Variants in GLRA3 observed in about 807,000 individuals in gnomAD.
GLRA3 encodes the protein glycine receptor alpha 3.
In GLRA3, 44 loss-of-function variants were observed where a neutral mutation model predicts 60.4. The observed-to-expected ratio is 0.73, with a 90% confidence interval of 0.57 to 0.94. GLRA3 has a LOEUF of 0.94. Ranked by LOEUF, GLRA3 falls within the 40% of genes least tolerant of loss-of-function variation. The pLI is 0.00. For missense variants in GLRA3, 508 were observed against 564.6 expected, an observed-to-expected ratio of 0.90 and a Z score of 1.02; for synonymous variants, 223 against 192.9, an observed-to-expected ratio of 1.16 and a Z score of -1.29.
rs1304663775 is a variant in GLRA3, at chr4:174,781,071, TCTC to T, written c.199+7742_199+7744del. On this transcript the variant is annotated intron_variant, in intron 2 of 9. Coordinates refer to ENST00000274093, the MANE Select transcript of GLRA3 (RefSeq NM_006529.4). ...TTGACCACATACTTGGAAGTAAAGC[TCTC>T]CTCAGCAAATGTAAAAGAACAGAGA... is the stretch of plus-strand genomic sequence containing the variant. Among the ~76,000 whole-genome samples the T allele has an allele frequency of 1.3e-4, 20 of 151,866 alleles. 1 individual carries two copies. The highest frequency in any genetic ancestry group is 9.2e-4 in the Admixed American group (14 of 15,230).
intron 3 of GLRA3, among the ~76,000 whole-genome samples, chr4:174,734,018 T>C (rs186454925): frequency 1.3e-5 from 2 of 151,094 alleles, no homozygotes; most frequent in African/African-American, 2.4e-5. Context: ...CAATAGACTT[T>C]CTTTTTTTTT....
intron 3 of GLRA3, among the ~76,000 whole-genome samples, chr4:174,761,941 AT>A (rs1425371956): frequency 6.6e-6 from 1 of 152,184 alleles, no homozygotes; most frequent in Non-Finnish European, 1.5e-5. Context: ...AAAAAAGTTT[AT>A]GATTCAGTAA....
intron 3 of GLRA3, among the ~76,000 whole-genome samples, chr4:174,746,499 C>T (rs951768253): frequency 4.6e-5 from 7 of 151,900 alleles, no homozygotes; most frequent in Non-Finnish European, 7.4e-5. Context: ...CTGGGGAGAC[C>T]GGGTAGTGGG....
rs1306043472 is a variant in GLRA3, at chr4:174,767,035, A to G, written c.200-5T>C. ...ATGTGACATTAACTGGAGGGCCTGA[A>G]AAAGAGATGAAAACATAAGGGCTGT... On this transcript the variant is annotated splice_polypyrimidine_tract_variant and splice_region_variant and intron_variant, in intron 2 of 9. Transcript: ENST00000274093. 1.3e-6 allele frequency: 2 copies of G among 1,550,448 alleles called. No individual in the cohort carries two copies. Among genetic ancestry groups the G allele is most frequent in the African/African-American group, 2.7e-5 (2 of 73,676 alleles).
At position 174,659,039 on chromosome 4, in the gene GLRA3, C is replaced by G. The variant is rs774106199; in HGVS notation, c.1071+15G>C. 1.9e-6 allele frequency: 3 copies of G among 1,606,680 alleles called. No individual in the cohort carries two copies. The highest frequency in any genetic ancestry group is 2.7e-5 in the African/African-American group (2 of 74,674). ...AAACTGGATTCTGCCAAACCCAATACGTTTAATCACTTACCTTATTCTTTC... is the reference window on the plus strand; with the variant it reads ...AAACTGGATTCTGCCAAACCCAATAGGTTTAATCACTTACCTTATTCTTTC... On this transcript the variant is annotated intron_variant, in intron 8 of 9. Coordinates refer to ENST00000274093, the MANE Select transcript of GLRA3 (RefSeq NM_006529.4).
chr4:174,807,131 C>A (rs1475730670), intron 1 of GLRA3, among the ~76,000 whole-genome samples: 1 of 151,810 alleles, frequency 6.6e-6, no homozygotes, highest in Non-Finnish European at 1.5e-5. Context: ...GTGAAGCAGA[C>A]AAAAGAAGAT....
At position 174,640,921 on chromosome 4, in the gene GLRA3, T is replaced by C. The variant is rs1732609185; in HGVS notation, c.*2865A>G. On this transcript the variant is annotated 3_prime_UTR_variant, in exon 10 of 10. Transcript: ENST00000274093. ...AGGGTTGGAGAAGTTTTAAACACCC[T>C]CAGCTTTCTTGAAAATACAGTGACT... The C allele has an allele frequency of 6.6e-6, 1 of 152,044 alleles. No homozygotes were observed. Among genetic ancestry groups the C allele is most frequent in the Non-Finnish European group, 1.5e-5 (1 of 67,964 alleles). 9.4% of individuals were successfully genotyped at this position (152,044 alleles called of 1,614,324 possible). A position where few individuals can be genotyped will look rare whatever the true frequency, so the allele number is the denominator to read the frequency against.
At chr4:174,743,652 C>A (rs1737113888) in intron 3 of GLRA3, among the ~76,000 whole-genome samples, 1 of 151,988 alleles carries the variant, frequency 6.6e-6, no homozygotes, top group African/African-American at 2.4e-5. Context: ...AAGTACCTGC[C>A]AGGATGATTC....
chr4:174,750,881 T>C (rs1737446477), intron 3 of GLRA3, among the ~76,000 whole-genome samples: 1 of 152,094 alleles, frequency 6.6e-6, no homozygotes, highest in African/African-American at 2.4e-5. Context: ...AGGACATCTC[T>C]AGGCTGGAAG....
intron 5 of GLRA3, among the ~76,000 whole-genome samples, chr4:174,696,203 G>C (rs894199281): frequency 6.6e-6 from 1 of 151,600 alleles, no homozygotes; most frequent in Admixed American, 6.6e-5. Flanking sequence ...AAATGATGAT[G>C]AGAAAAAATT....
rs540758261 is a variant in GLRA3 at position 174,824,334 on chromosome 4, G to T, written c.71+4407C>A. Among the ~76,000 whole-genome samples, 17 of 152,144 alleles carry T rather than the reference G, an allele frequency of 1.1e-4. No individual in the cohort carries two copies. In the Middle Eastern group the frequency reaches 0.01, roughly 91 times the overall value. On this transcript the variant is annotated intron_variant, in intron 1 of 9. Transcript: ENST00000274093. ...TTCTTTACATAGCTCTTAAATAATT[G>T]CTATCACCAATCCTATGACTAATAG...
intron 3 of GLRA3, among the ~76,000 whole-genome samples, chr4:174,749,250 A>G (rs1320020925): frequency 1.3e-5 from 2 of 152,110 alleles, no homozygotes; most frequent in South Asian, 2.1e-4. Context: ...AATCTGTGGT[A>G]TAATCCTCCT....
intron 3 of GLRA3, among the ~76,000 whole-genome samples, chr4:174,745,318 C>A (rs1313670870): frequency 6.6e-6 from 1 of 152,072 alleles, no homozygotes; most frequent in Non-Finnish European, 1.5e-5. Flanking sequence ...AGATACAATG[C>A]AAAATGGTCT....
chr4:174,820,272 C>G (rs568349893), intron 1 of GLRA3, among the ~76,000 whole-genome samples: 1 of 152,114 alleles, frequency 6.6e-6, no homozygotes, highest in Non-Finnish European at 1.5e-5. Context: ...CCAAATTCCT[C>G]GTCAAATGTT....
chr4:174,794,404 A>G (rs1186416358), intron 1 of GLRA3, among the ~76,000 whole-genome samples: 1 of 152,002 alleles, frequency 6.6e-6, no homozygotes, highest in Non-Finnish European at 1.5e-5. Context: ...TTGCTTAAGA[A>G]CTCCTAGAAT....
chr4:174,702,475 A>G (rs1473223822), intron 5 of GLRA3, among the ~76,000 whole-genome samples: 2 of 152,150 alleles, frequency 1.3e-5, no homozygotes, highest in Non-Finnish European at 1.5e-5. Flanking sequence ...AGGTATCCCT[A>G]TATTCAAATA....
chr4:174,665,582 T>C (rs966776965), intron 7 of GLRA3, among the ~76,000 whole-genome samples: 1 of 152,196 alleles, frequency 6.6e-6, no homozygotes, highest in Non-Finnish European at 1.5e-5. Context: ...AGTATGTCCA[T>C]GAAGATTTGA....
At chr4:174,815,838 C>T (rs548695566) in intron 1 of GLRA3, among the ~76,000 whole-genome samples, 2 of 152,282 alleles carry the variant, frequency 1.3e-5, no homozygotes, top group Admixed American at 6.5e-5. Context: ...TCTGACTTGC[C>T]CTGGAGACAT....
chr4:174,673,984 T>C (rs928805604), intron 7 of GLRA3, among the ~76,000 whole-genome samples: 5 of 152,282 alleles, frequency 3.3e-5, no homozygotes, highest in Admixed American at 6.5e-5. Flanking sequence ...AAATATATTT[T>C]TTCAGAAACA....
Sources: gnomAD v4.1 joint callset for allele counts (sites outside exome capture counted in the v4.1 genomes callset) on GRCh38, gnomAD v4.1.1 for gene constraint, MANE v1.5 for transcripts, NCBI Gene and HGNC (gene_info 2026-07-23, HGNC 2026-07-21) for gene names.